Variants in GAS7 observed in about 807,000 individuals in gnomAD.
GAS7 encodes growth arrest specific 7.
GAS7 carries 28 observed loss-of-function variants against 71.1 expected under a neutral mutation model. That is an observed-to-expected ratio of 0.39 (90% CI 0.29 to 0.54). The LOEUF (loss-of-function observed/expected upper bound fraction) is 0.54. Ranked by LOEUF, GAS7 falls within the 20% of genes least tolerant of loss-of-function variation. The pLI is 0.62. For missense variants in GAS7, 436 were observed against 627.8 expected (o/e 0.69, Z 3.27); for synonymous variants, 258 against 245.8 (o/e 1.05, Z -0.46).
intron 1 of GAS7, among the ~76,000 whole-genome samples, chr17:10,158,336 T>TAAAAAAAAAAAA (rs58514810): frequency 3.6e-5 from 3 of 83,398 alleles, no homozygotes; most frequent in African/African-American, 4.2e-5. Context: ...CTTTTTTTGG[T>TAAAAAAAAAAAA]AAAAAAAAAA....
intron 4 of GAS7, among the ~76,000 whole-genome samples, chr17:9,964,516 G>A (rs1056020752): frequency 1.3e-5 from 2 of 152,072 alleles, no homozygotes; most frequent in Admixed American, 6.6e-5. Context: ...GCGTAAACAC[G>A]GTTCCCCCTT....
At chr17:10,068,007 C>T (rs1485769635) in intron 1 of GAS7, among the ~76,000 whole-genome samples, 2 of 152,212 alleles carry the variant, frequency 1.3e-5, no homozygotes, top group African/African-American at 4.8e-5. Context: ...TGGTCTCTAC[C>T]TTGGTCATTC....
rs988357537 is a variant in GAS7 at position 9,912,626 on chromosome 17, C to T, written c.*4602G>A. ...ATTGAGCACCCATCCGTCCCTTCCC[C>T]TCCCATCCCTGGATTCTTTCTGCAC... On this transcript the variant is annotated 3_prime_UTR_variant, in exon 14 of 14. Transcript: ENST00000432992. The T allele has an allele frequency of 1.7e-5, 4 of 232,862 alleles. No individual in the cohort carries two copies. The highest frequency in any genetic ancestry group is 3.4e-5 in the Non-Finnish European group (4 of 117,846). 14.4% of individuals were successfully genotyped at this position (232,862 alleles called of 1,614,324 possible). A position where few individuals can be genotyped will look rare whatever the true frequency, so the allele number is the denominator to read the frequency against.
chr17:9,923,159 G>A (rs1195220657), intron 11 of GAS7, among the ~76,000 whole-genome samples: 1 of 151,942 alleles, frequency 6.6e-6, no homozygotes, highest in Non-Finnish European at 1.5e-5. Flanking sequence ...TGCCCGCCTG[G>A]GCCTCCCAAA....
At chr17:9,951,781 A>G (rs2069025629) in intron 5 of GAS7, among the ~76,000 whole-genome samples, 1 of 144,906 alleles carries the variant, frequency 6.9e-6, no homozygotes, top group Non-Finnish European at 1.5e-5. Context: ...AAAAAAAAAA[A>G]AAAAACAAGA....
rs1597576396 is a variant in GAS7, at chr17:9,969,219, A to G, written c.471+458T>C. ...TTTGGAAATCGTACAACATACTCCC[A>G]TTTCCTTCCATCTCATAGCTCTCTC... On this transcript the variant is annotated intron_variant, in intron 4 of 13. Transcript: ENST00000432992. This position sits in a 1 kb window ranked among gnomAD's most constrained non-coding sequence, Gnocchi z 5.5. Among the ~76,000 whole-genome samples the G allele has an allele frequency of 6.6e-6, 1 of 152,210 alleles. No individual in the cohort carries two copies. The highest frequency in any genetic ancestry group is 2.4e-5 in the African/African-American group (1 of 41,454).
At chr17:10,182,608 A>G (rs1279020858) in intron 1 of GAS7, among the ~76,000 whole-genome samples, 1 of 152,158 alleles carries the variant, frequency 6.6e-6, no homozygotes, top group Non-Finnish European at 1.5e-5. Context: ...CACTAGGGGG[A>G]TAAAATGGAC....
chr17:10,149,841 A>G (rs2074150081), intron 1 of GAS7, among the ~76,000 whole-genome samples: 1 of 152,260 alleles, frequency 6.6e-6, no homozygotes, highest in African/African-American at 2.4e-5. Flanking sequence ...TAAGCCAGAC[A>G]CAAAAGGCCA....
intron 1 of GAS7, among the ~76,000 whole-genome samples, chr17:10,114,901 T>G (rs2073845821): frequency 6.6e-6 from 1 of 152,244 alleles, no homozygotes; most frequent in Non-Finnish European, 1.5e-5. Context: ...GAAACTGGCA[T>G]GAGAATGATT....
intron 1 of GAS7, among the ~76,000 whole-genome samples, chr17:10,033,768 G>A (rs1444019952): frequency 3.3e-5 from 5 of 152,226 alleles, no homozygotes; most frequent in African/African-American, 7.2e-5. Context: ...GTGGCCACCA[G>A]TTGCTGGCTG....
At chr17:10,074,838 AC>A (rs1260476780) in intron 1 of GAS7, among the ~76,000 whole-genome samples, 1 of 152,176 alleles carries the variant, frequency 6.6e-6, no homozygotes, top group Non-Finnish European at 1.5e-5. Context: ...AAAGCTCCTA[AC>A]CTCACTTAGA....
At chr17:10,146,860 T>C (rs2074125172) in intron 1 of GAS7, among the ~76,000 whole-genome samples, 1 of 151,978 alleles carries the variant, frequency 6.6e-6, no homozygotes, top group South Asian at 2.1e-4. Context: ...GGCGGGTGCC[T>C]GTAGTCCCAG....
At chr17:10,085,636 G>A (rs1211007759) in intron 1 of GAS7, among the ~76,000 whole-genome samples, 1 of 139,894 alleles carries the variant, frequency 7.1e-6, no homozygotes, top group Admixed American at 7.9e-5. Flanking sequence ...AGCTTACAGT[G>A]AGCCAAGATC....
chr17:10,154,329 T>C (rs1177513702), intron 1 of GAS7, among the ~76,000 whole-genome samples: 1 of 151,604 alleles, frequency 6.6e-6, no homozygotes, highest in Non-Finnish European at 1.5e-5. Flanking sequence ...AGAGACCTTG[T>C]CTCTACAAGA....
At chr17:10,083,399 C>A (rs963166506) in intron 1 of GAS7, among the ~76,000 whole-genome samples, 8 of 151,992 alleles carry the variant, frequency 5.3e-5, no homozygotes, top group African/African-American at 1.9e-4. Flanking sequence ...TGGTGGTGCA[C>A]GCCTGTAATC....
chr17:9,981,931 C>T lies in GAS7; in HGVS notation c.305-47G>A, dbSNP rs115704911. 1.3e-4 allele frequency: 137 copies of T among 1,043,396 alleles called. No homozygotes were observed. In the African/African-American group the frequency reaches 1.8e-3, roughly 14 times the overall value. The allele number at this position is 1,043,396 out of a possible 1,614,324, so 64.6% of individuals were successfully genotyped here. On this transcript the variant is annotated intron_variant, in intron 2 of 13. Transcript: ENST00000432992. This position sits in a 1 kb window ranked among gnomAD's most constrained non-coding sequence, Gnocchi z 4.4. ...AAATCACTTTGAGAATGTCACAGGG[C>T]AGAACCTGAGTTTCACAGAGCAGAA...
At chr17:9,952,293 C>T (rs1434521649) in intron 5 of GAS7, among the ~76,000 whole-genome samples, 1 of 152,206 alleles carries the variant, frequency 6.6e-6, no homozygotes, top group Admixed American at 6.5e-5. Context: ...TGGGGGAGAC[C>T]TTGTGCCCAC....
At chr17:9,990,198 G>A (rs965778064) in intron 2 of GAS7, among the ~76,000 whole-genome samples, 4 of 152,192 alleles carry the variant, frequency 2.6e-5, no homozygotes, top group African/African-American at 9.6e-5. Context: ...GAACCCGGGA[G>A]GCAGAGCTTG....
chr17:9,993,500 C>T (rs1266486044), intron 2 of GAS7, among the ~76,000 whole-genome samples: 1 of 152,112 alleles, frequency 6.6e-6, no homozygotes. Flanking sequence ...TAGAAACCCT[C>T]AATAAATTAG....
Sources: allele counts gnomAD v4.1 joint callset (sites outside exome capture counted in the v4.1 genomes callset), GRCh38; gene constraint gnomAD v4.1.1; non-coding constraint Gnocchi (gnomAD v3.1); transcripts MANE v1.5; gene names NCBI Gene and HGNC (gene_info 2026-07-23, HGNC 2026-07-21).